Variants in IKZF3 observed in about 807,000 individuals in gnomAD.
IKZF3 encodes zinc finger protein Aiolos.
In IKZF3, 10 loss-of-function variants were observed where a neutral mutation model predicts 49.0. That is an observed-to-expected ratio of 0.20 (90% CI 0.13 to 0.35). The LOEUF is 0.35. Ranked by LOEUF, IKZF3 falls within the 10% of genes least tolerant of loss-of-function variation. The pLI is 1.00. For missense variants in IKZF3, 498 were observed against 664.8 expected, an observed-to-expected ratio of 0.75 and a Z score of 2.76; for synonymous variants, 209 against 228.2, an observed-to-expected ratio of 0.92 and a Z score of 0.76.
intron 7 of IKZF3, among the ~76,000 whole-genome samples, chr17:39,770,870 A>C (rs1487685981): frequency 1.3e-5 from 2 of 149,308 alleles, no homozygotes; most frequent in African/African-American, 5.0e-5. Context: ...CAATGGTACG[A>C]TCTCGACTCA....
At chr17:39,795,085 G>A (rs2061128430) in intron 3 of IKZF3, among the ~76,000 whole-genome samples, 1 of 152,212 alleles carries the variant, frequency 6.6e-6, no homozygotes, top group African/African-American at 2.4e-5. Context: ...AGATCAATGT[G>A]TTGAGTCTTT....
rs1247498369 is a variant in IKZF3 at position 39,758,239 on chromosome 17, CCA to C, written c.*7549_*7550del. The stretch of plus-strand genomic sequence containing the variant: ...AGACTGAGAACCTGAGCATGCAAAA[CCA>C]CAGTCTGGGTGAAGGGATGTCTGCT... On this transcript the variant is annotated 3_prime_UTR_variant, in exon 8 of 8. Transcript: ENST00000346872. 1 of 152,212 alleles carries C rather than the reference CCA, an allele frequency of 6.6e-6. No homozygotes were observed. The highest frequency in any genetic ancestry group is 1.5e-5 in the Non-Finnish European group (1 of 68,036). The allele number at this position is 152,212 out of a possible 1,614,324, so 9.4% of individuals were successfully genotyped here.
chr17:39,835,420 G>A lies in IKZF3; in HGVS notation c.8-3269C>T, dbSNP rs143779576. ...ATACACAATGGCGGCCTCCAGGGAA[G>A]CCCTCTGGCCTTTGAGGCCCTCTGT... On this transcript the variant is annotated intron_variant, in intron 1 of 7. Transcript: ENST00000346872. 15 of 469,136 alleles carry A rather than the reference G, an allele frequency of 3.2e-5. No individual in the cohort carries two copies. The East Asian group carries it at 8.1e-4, about 25-fold the overall frequency. The allele number at this position is 469,136 out of a possible 1,614,324, so 29.1% of individuals were successfully genotyped here. A position where few individuals can be genotyped will look rare whatever the true frequency, so the allele number is the denominator to read the frequency against.
At chr17:39,774,791 C>A (rs139396822) in intron 7 of IKZF3, among the ~76,000 whole-genome samples, 59 of 151,970 alleles carry the variant, frequency 3.9e-4, no homozygotes, top group Non-Finnish European at 6.5e-4. Flanking sequence ...ACATGAATGT[C>A]GGGCTAATGC....
At position 39,765,467 on chromosome 17, in the gene IKZF3, A is replaced by T. The variant is rs2143553716; in HGVS notation, c.*323T>A. The T allele has an allele frequency of 4.7e-6, 1 of 210,920 alleles. No individual in the cohort carries two copies. Among genetic ancestry groups the T allele is most frequent in the Non-Finnish European group, 9.5e-6 (1 of 104,912 alleles). 13.1% of individuals were successfully genotyped at this position (210,920 alleles called of 1,614,324 possible). ...CGTGTGGTTGATATATCTCAGAAAGAATGTTTCATATAGCACATCTCCGGG... is the reference window on the plus strand; with the variant it reads ...CGTGTGGTTGATATATCTCAGAAAGTATGTTTCATATAGCACATCTCCGGG... On this transcript the variant is annotated 3_prime_UTR_variant, in exon 8 of 8. Transcript: ENST00000346872.
At chr17:39,783,513 G>T (rs1350809941) in intron 6 of IKZF3, among the ~76,000 whole-genome samples, 1 of 152,028 alleles carries the variant, frequency 6.6e-6, no homozygotes, top group Non-Finnish European at 1.5e-5. Flanking sequence ...GTAGAGATGG[G>T]GTTTCACTAT....
intron 3 of IKZF3, among the ~76,000 whole-genome samples, chr17:39,812,432 G>A (rs1006978597): frequency 5.9e-5 from 9 of 152,060 alleles, no homozygotes; most frequent in African/African-American, 2.2e-4. Flanking sequence ...TCAGGATCGG[G>A]GAAGGGCTTA....
intron 5 of IKZF3, among the ~76,000 whole-genome samples, chr17:39,789,966 T>G (rs757086329): frequency 6.6e-6 from 1 of 150,762 alleles, no homozygotes; most frequent in Non-Finnish European, 1.5e-5. Context: ...ATGTCTAAGA[T>G]GAAGGAAAGG....
At position 39,791,268 on chromosome 17, in the gene IKZF3, T is replaced by A. The variant is rs114476124; in HGVS notation, c.592+148A>T. On this transcript the variant is annotated intron_variant, in intron 5 of 7. Coordinates refer to ENST00000346872, the MANE Select transcript of IKZF3 (RefSeq NM_012481.5). ...AGAGCAATTAGTGCCTTAATGGTCG[T>A]GTAATTAGCCCTAGAGGTCTCTGCT... is the stretch of plus-strand genomic sequence containing the variant. 2.1e-3 allele frequency: 1,508 copies of A among 718,298 alleles called. 24 individuals carry two copies. In the African/African-American group the frequency reaches 0.025, roughly 12 times the overall value. The allele number at this position is 718,298 out of a possible 1,614,324, so 44.5% of individuals were successfully genotyped here.
intron 1 of IKZF3, among the ~76,000 whole-genome samples, chr17:39,844,539 G>T (rs1375762684): frequency 6.6e-6 from 1 of 152,030 alleles, no homozygotes; most frequent in African/African-American, 2.4e-5. Context: ...ATCTTCCATT[G>T]TCATTTTCTT....
Position 39,851,070 on chromosome 17 carries a change from T to TAG in IKZF3, c.7+13048_7+13049dup, listed in dbSNP as rs948830503. On this transcript the variant is annotated intron_variant, in intron 1 of 7. Coordinates refer to ENST00000346872, the MANE Select transcript of IKZF3 (RefSeq NM_012481.5). ...TATATACTATGTGTATATATATATA[T>TAG]AGAGAGAGAGGGAGGGTCTTGCTCT... is the stretch of plus-strand genomic sequence containing the variant. 1.4e-4 allele frequency among the ~76,000 whole-genome samples: 20 copies of TAG among 147,500 alleles called. No homozygotes were observed. In the East Asian group the frequency reaches 3.3e-3, roughly 25 times the overall value.
intron 3 of IKZF3, among the ~76,000 whole-genome samples, chr17:39,826,410 G>A (rs1457528492): frequency 6.6e-6 from 1 of 152,190 alleles, no homozygotes; most frequent in Non-Finnish European, 1.5e-5. Flanking sequence ...ATTAAAGAAG[G>A]TAAAAACAAA....
intron 1 of IKZF3, among the ~76,000 whole-genome samples, chr17:39,856,376 C>G (rs1223533017): frequency 6.6e-6 from 1 of 152,054 alleles, no homozygotes. Context: ...GCAACCTCGG[C>G]CTCGCAGGTT....
intron 3 of IKZF3, among the ~76,000 whole-genome samples, chr17:39,822,489 T>C (rs2061836258): frequency 2.0e-5 from 3 of 152,172 alleles, no homozygotes; most frequent in Non-Finnish European, 4.4e-5. Flanking sequence ...GCCATGATTG[T>C]AAGTTTCCTG....
intron 7 of IKZF3, 79 bp downstream of exon 7, chr17:39,777,572 G>T (rs1239271249): frequency 2.2e-6 from 2 of 920,978 alleles, no homozygotes; most frequent in Non-Finnish European, 1.7e-6. Context: ...GCTAGGAAAG[G>T]CCTTGTGTAG....
At chr17:39,853,472 C>T (rs2062942605) in intron 1 of IKZF3, among the ~76,000 whole-genome samples, 1 of 152,144 alleles carries the variant, frequency 6.6e-6, no homozygotes, top group Non-Finnish European at 1.5e-5. Context: ...TGTATGCTAT[C>T]AGAGTGATGA....
At position 39,845,920 on chromosome 17, in the gene IKZF3, T is replaced by C. The variant is rs566460026; in HGVS notation, c.8-13769A>G. On this transcript the variant is annotated intron_variant, in intron 1 of 7. Transcript: ENST00000346872. ...ATATCGACCACAGGATATCCAAATA[T>C]CCAGATAAAATATTTTTAAATGAAC... Among the ~76,000 whole-genome samples, 5 of 152,280 alleles carry C rather than the reference T, an allele frequency of 3.3e-5. No homozygotes were observed. The South Asian group carries it at 8.3e-4, about 25-fold the overall frequency.
In IKZF3 at chr17:39,792,681, C is replaced by A; in HGVS notation, c.416G>T (p.Ser139Ile). Residue 139 changes from serine (S) to isoleucine (I), a missense_variant, in exon 4 of 8, where the codon AGC becomes ATC. By Grantham distance (142) the Ser-to-Ile change is moderately radical. This residue lies in a region of IKZF3 where 84 missense variants were observed against 168.6 expected (regional missense o/e 0.50). Transcript: ENST00000346872. ...SFNVLMVHKR[S>I]HTGERPFQCN... Reference sequence around the variant, plus strand: ...AAAAGCAGACTATTTACCAGTATGGCTTCGCTTATGAACCATTAAGACATT... The same window carrying A: ...AAAAGCAGACTATTTACCAGTATGGATTCGCTTATGAACCATTAAGACATT... 6.2e-7 allele frequency: 1 copy of A among 1,613,692 alleles called. No homozygotes were observed.
chr17:39,863,973 G>T, intron 1 of IKZF3, 147 bp downstream of exon 1: 2 of 1,068,424 alleles, frequency 1.9e-6, no homozygotes, highest in Non-Finnish European at 2.9e-6. Context: ...GAACCGACGC[G>T]CTTTGTCCTC....
Sources: allele counts gnomAD v4.1 joint callset (sites outside exome capture counted in the v4.1 genomes callset), GRCh38; gene constraint gnomAD v4.1.1; regional missense constraint gnomAD v4.1.1; transcripts MANE v1.5; gene names NCBI Gene and HGNC (gene_info 2026-07-23, HGNC 2026-07-21).